NCAM2: variants seen among roughly 807,000 people sequenced by gnomAD.
NCAM2 encodes the protein neural cell adhesion molecule 2.
NCAM2 carries 30 observed loss-of-function variants against 98.1 expected under a neutral mutation model. That is an observed-to-expected ratio of 0.31 (90% CI 0.23 to 0.41). The LOEUF (loss-of-function observed/expected upper bound fraction) is 0.41, where lower values mean the gene tolerates loss of function less well. Among genes scored for constraint, NCAM2 ranks in the 10% least tolerant of loss-of-function variants. NCAM2 has a pLI of 1.00. For missense variants in NCAM2, 867 were observed against 1,005.8 expected (o/e 0.86, Z 1.87); for synonymous variants, 368 against 342.4 (o/e 1.07, Z -0.83).
chr21:21,318,128 G>T (rs2065745022), intron 5 of NCAM2, among the ~76,000 whole-genome samples: 1 of 152,196 alleles, frequency 6.6e-6, no homozygotes, highest in Admixed American at 6.5e-5. Context: ...TCTGAAAGGT[G>T]TTTGGGACCT....
chr21:21,473,001 T>TACAC (rs35267595), intron 14 of NCAM2, among the ~76,000 whole-genome samples: 56 of 149,526 alleles, frequency 3.7e-4, no homozygotes, highest in Admixed American at 4.0e-4. Context: ...CACGCACACA[T>TACAC]ACACACACAC....
At chr21:21,072,029 C>G (rs1032563061) in intron 1 of NCAM2, among the ~76,000 whole-genome samples, 1 of 147,048 alleles carries the variant, frequency 6.8e-6, no homozygotes, top group Non-Finnish European at 1.5e-5. Context: ...TCTCCTGCCT[C>G]AGCCTCCCGA....
intron 7 of NCAM2, 28 bp from the exon 8 acceptor site, chr21:21,338,361 G>C: frequency 6.3e-7 from 1 of 1,590,114 alleles, no homozygotes. Flanking sequence ...CTCCAATACC[G>C]GTTGAGTAAT....
intron 1 of NCAM2, among the ~76,000 whole-genome samples, chr21:21,068,458 ATTTT>A (rs566218063): frequency 2.2e-4 from 25 of 112,482 alleles, no homozygotes; most frequent in African/African-American, 7.5e-4. Context: ...ATGGTATTGC[ATTTT>A]TTTTTTTTTT....
chr21:21,420,004 A>G (rs1462164951), intron 11 of NCAM2, among the ~76,000 whole-genome samples: 2 of 152,102 alleles, frequency 1.3e-5, no homozygotes, highest in Non-Finnish European at 2.9e-5. Context: ...CTATTTCTCC[A>G]CATCCTCTCC....
At chr21:21,060,534 A>C (rs1275710638) in intron 1 of NCAM2, among the ~76,000 whole-genome samples, 1 of 152,160 alleles carries the variant, frequency 6.6e-6, no homozygotes, top group Non-Finnish European at 1.5e-5. Context: ...ATCAGAAACA[A>C]GTTTTCAAGA....
At chr21:21,274,091 C>G (rs8132875) in intron 1 of NCAM2, among the ~76,000 whole-genome samples, 151,987 of 151,988 alleles carry the variant, frequency 1, 75,993 homozygotes, top group Middle Eastern at 1. Context: ...ACTTGAAGCC[C>G]GGAAGCTGAG....
At chr21:21,522,632 C>CTT (rs61635255) in intron 16 of NCAM2, among the ~76,000 whole-genome samples, 10,254 of 124,600 alleles carry the variant, frequency 0.082, 710 homozygotes, top group African/African-American at 0.15. Flanking sequence ...TTTTCTTTTT[C>CTT]TTTTTTTTTT....
intron 1 of NCAM2, among the ~76,000 whole-genome samples, chr21:21,233,427 A>G (rs1016895668): frequency 2.6e-5 from 4 of 151,750 alleles, no homozygotes; most frequent in East Asian, 1.9e-4. Context: ...AGTCAAAAAT[A>G]TATGTTTCTT....
rs187016200 is a variant in NCAM2, at chr21:21,350,722, A to G, written c.1044+12188A>G. Among the ~76,000 whole-genome samples, 34 of 152,328 alleles carry G rather than the reference A, an allele frequency of 2.2e-4. No homozygotes were observed. The East Asian group carries it at 3.1e-3, about 14-fold the overall frequency. On this transcript the variant is annotated intron_variant, in intron 8 of 17. Coordinates refer to ENST00000400546, the MANE Select transcript of NCAM2 (RefSeq NM_004540.5). The stretch of plus-strand genomic sequence containing the variant: ...ATTTTATGTACATGTAAAATAATAT[A>G]TGCAATTTTTAAAACTGTTCAGATC...
intron 9 of NCAM2, among the ~76,000 whole-genome samples, chr21:21,396,227 T>C (rs1229939106): frequency 6.6e-6 from 1 of 151,374 alleles, no homozygotes; most frequent in Non-Finnish European, 1.5e-5. Context: ...AAAGAAGATA[T>C]ACAAATGGGC....
chr21:21,258,421 G>A (rs1568844402), intron 1 of NCAM2, among the ~76,000 whole-genome samples: 1 of 152,054 alleles, frequency 6.6e-6, no homozygotes, highest in Non-Finnish European at 1.5e-5. Context: ...ACTAGGTGGG[G>A]TGAAAAAAAC....
At chr21:21,115,580 A>T (rs1325516161) in intron 1 of NCAM2, among the ~76,000 whole-genome samples, 2 of 152,168 alleles carry the variant, frequency 1.3e-5, no homozygotes, top group Non-Finnish European at 2.9e-5. Context: ...TTTGTGAATA[A>T]GTTCATGGAA....
chr21:21,340,383 A>G (rs1374944360), intron 8 of NCAM2, among the ~76,000 whole-genome samples: 3 of 151,986 alleles, frequency 2.0e-5, no homozygotes, highest in African/African-American at 4.8e-5. Flanking sequence ...TCAAGTAACA[A>G]GAAAGCTGTT....
intron 15 of NCAM2, among the ~76,000 whole-genome samples, chr21:21,496,272 G>A (rs938236526): frequency 1.3e-5 from 2 of 151,578 alleles, no homozygotes; most frequent in African/African-American, 4.8e-5. Context: ...CGGCCTCACC[G>A]GCATCTGTTG....
At chr21:21,247,024 T>TA (rs2071297132) in intron 1 of NCAM2, among the ~76,000 whole-genome samples, 2 of 8,708 alleles carry the variant, frequency 2.3e-4, no homozygotes, top group Non-Finnish European at 5.3e-3. Context: ...TTTAATATGT[T>TA]TAAAAAAAAT....
chr21:21,316,186 A>G (rs1397564203), intron 5 of NCAM2, among the ~76,000 whole-genome samples: 1 of 152,192 alleles, frequency 6.6e-6, no homozygotes, highest in Non-Finnish European at 1.5e-5. Flanking sequence ...GGGGAGAAAA[A>G]TGAAAGTAGT....
chr21:21,371,837 G>C (rs895947588), intron 8 of NCAM2, among the ~76,000 whole-genome samples: 2 of 151,074 alleles, frequency 1.3e-5, no homozygotes, highest in African/African-American at 4.9e-5. Context: ...CGCAGTGCCT[G>C]GTTGCTTATT....
At chr21:21,345,578 A>C (rs561551241) in intron 8 of NCAM2, among the ~76,000 whole-genome samples, 1 of 152,082 alleles carries the variant, frequency 6.6e-6, no homozygotes, top group African/African-American at 2.4e-5. Context: ...TACACAGAGG[A>C]GAAAAAAAGA....
Sources: allele counts gnomAD v4.1 joint callset (sites outside exome capture counted in the v4.1 genomes callset), GRCh38; gene constraint gnomAD v4.1.1; transcripts MANE v1.5; gene names NCBI Gene and HGNC (gene_info 2026-07-23, HGNC 2026-07-21).